The following TTN variants were observed in gnomAD, a reference collection of about 807,000 sequenced individuals.
TTN encodes the protein titin, also known as connectin.
Under a neutral mutation model 3,223.0 loss-of-function variants are expected in TTN, and 1,525 were observed. The observed-to-expected ratio is 0.47, with a 90% CI of 0.45 to 0.49. The LOEUF (loss-of-function observed/expected upper bound fraction) is 0.49. Among genes scored for constraint, TTN ranks in the 20% least tolerant of loss-of-function variants. The pLI is 0.00. For missense variants in TTN, 40,786 were observed against 43,424.0 expected (o/e 0.94, Z 5.40); for synonymous variants, 14,094 against 15,161.0 (o/e 0.93, Z 5.17).
rs765603620 is a variant in TTN at position 178,534,242 on chromosome 2, C to T, written c.102373G>A (p.Val34125Ile). Residue 34125 changes from valine to isoleucine, a missense_variant, in exon 358 of 363, where the codon GTT (valine) becomes ATT (isoleucine). Coordinates refer to ENST00000589042, the MANE Select transcript of TTN (RefSeq NM_001267550.2). ...ATGGATGCCACTTTAACTTTAGCAA[C>T]ACTCACTCCCTTCTGAGATCGAATT... ...GAIRSQKGVS[V>I]AKVKVASIEI... 2.5e-6 allele frequency: 4 copies of T among 1,613,982 alleles called. No individual in the cohort carries two copies. Among genetic ancestry groups the T allele is most frequent in the Admixed American group, 3.3e-5 (2 of 60,022 alleles).
chr2:178,797,428 T>A (rs2093826942), intron 6 of TTN, among the ~76,000 whole-genome samples: 1 of 151,878 alleles, frequency 6.6e-6, no homozygotes, highest in Admixed American at 6.7e-5. Flanking sequence ...TACTTTTTTG[T>A]ATCTTTTGTC....
intron 47 of TTN, chr2:178,748,404 C>T (rs1489632464): frequency 1.9e-6 from 3 of 1,613,202 alleles, no homozygotes; most frequent in Non-Finnish European, 8.5e-7. Flanking sequence ...TTATTTTGCA[C>T]ACTTTTAGAG....
Position 178,563,100 on chromosome 2 carries a change from C to T in TTN, c.83032G>A (p.Asp27678Asn), listed in dbSNP as rs781128731. 20 of 1,613,698 alleles carry T rather than the reference C, an allele frequency of 1.2e-5. No individual in the cohort carries two copies. The highest frequency in any genetic ancestry group is 8.3e-5 in the Admixed American group (5 of 59,986). Residue 27678 changes from aspartate (D) to asparagine (N), a missense_variant, in exon 326 of 363, where the codon GAT becomes AAT. Physicochemically the swap from Asp to Asn is conservative, Grantham distance 23. Coordinates refer to ENST00000589042, the MANE Select transcript of TTN (RefSeq NM_001267550.2). The surrounding 1 kb of genome is among the most constrained non-coding windows in gnomAD (Gnocchi z 4.5). ...ACGACCACCTTTCTGAGATCAGCAT[C>T]GAGTTCTATTTCTGGTGGCTCTATC... ...ERIEPPEIELDADLRKVVVLR... is the reference protein window; with the variant it reads ...ERIEPPEIELNADLRKVVVLR...
rs754247415 is a variant in TTN, at chr2:178,717,942, C to T, written c.25063+1G>A. On this transcript the variant is annotated splice_donor_variant, in intron 86 of 362. Coordinates refer to ENST00000589042, the MANE Select transcript of TTN (RefSeq NM_001267550.2). LOFTEE classifies it high-confidence loss of function. ...CACACTAGGTTAAACAACACCATCACCTTTGATAACAAGCACAGCTGAAGA... is the reference window on the plus strand; with the variant it reads ...CACACTAGGTTAAACAACACCATCATCTTTGATAACAAGCACAGCTGAAGA... The T allele has an allele frequency of 1.2e-6, 2 of 1,610,446 alleles. No homozygotes were observed. Among genetic ancestry groups the T allele is most frequent in the Non-Finnish European group, 1.7e-6 (2 of 1,177,142 alleles).
chr2:178,641,165 G>A (rs2061186611), intron 220 of TTN, 76 bp downstream of exon 220: 2 of 1,002,182 alleles, frequency 2.0e-6, no homozygotes, highest in Non-Finnish European at 2.9e-6. Flanking sequence ...CTTCATTTAT[G>A]TTTACAAGAT....
In TTN at chr2:178,723,124, T is replaced by C. The variant is rs752809738; in HGVS notation, c.21883A>G (p.Arg7295Gly). The change falls in exon 75 of 363, where the codon AGA becomes GGA. Residue 7295 changes from arginine (R) to glycine (G), a missense_variant. Coordinates refer to ENST00000589042, the MANE Select transcript of TTN (RefSeq NM_001267550.2). ...TCGCAGGAATACTGCCCTGCATCTC[T>C]TTTTGTGCTATTCAGAATTTCCAGG... ...CILEILNSTK[R>G]DAGQYSCEIE... 1 of 1,613,616 alleles carries C rather than the reference T, an allele frequency of 6.2e-7. No individual in the cohort carries two copies. Among genetic ancestry groups the C allele is most frequent in the South Asian group, 1.1e-5 (1 of 91,072 alleles).
At chr2:178,692,984 G>C (rs539637354) in intron 119 of TTN, among the ~76,000 whole-genome samples, 2 of 151,936 alleles carry the variant, frequency 1.3e-5, no homozygotes, top group Admixed American at 6.6e-5. Context: ...TGGGATGGAG[G>C]GGGTGGAGCC....
Position 178,584,784 on chromosome 2 carries a change from G to C in TTN, c.64857C>G (p.Cys21619Trp). 1 of 1,613,432 alleles carries C rather than the reference G, an allele frequency of 6.2e-7. No individual in the cohort carries two copies. The highest frequency in any genetic ancestry group is 1.1e-5 in the South Asian group (1 of 91,072). Residue 21619 changes from cysteine (C) to tryptophan (W), a missense_variant, in exon 310 of 363, where the codon TGC becomes TGG. By Grantham distance (215) the Cys-to-Trp change is radical (BLOSUM62 -2). Transcript: ENST00000589042. Reference sequence around the variant, plus strand: ...GGCCTGGGATCAGCTTTCCAACCCTGCAGGAAGTTTTTGTGACTGAAGCTA... The same window carrying C: ...GGCCTGGGATCAGCTTTCCAACCCTCCAGGAAGTTTTTGTGACTGAAGCTA... ...TALASVTKTSCRVGKLIPGQE... is the reference protein window; with the variant it reads ...TALASVTKTSWRVGKLIPGQE...
In TTN at chr2:178,759,190, A is replaced by C; in HGVS notation, c.10115-18T>G. On this transcript the variant is annotated intron_variant, in intron 43 of 362. Transcript: ENST00000589042. ...TTTTAGATCTGCGACACAAAAGAAA[A>C]GAGATACTTCAACCACAAAAATGAG... 1 of 1,613,770 alleles carries C rather than the reference A, an allele frequency of 6.2e-7. No individual in the cohort carries two copies. Among genetic ancestry groups the C allele is most frequent in the South Asian group, 1.1e-5 (1 of 91,062 alleles).
chr2:178,729,388 G>A lies in TTN; in HGVS notation c.18768C>T (p.Leu6256=). 3.1e-6 allele frequency: 5 copies of A among 1,613,616 alleles called. No individual in the cohort carries two copies. Among genetic ancestry groups the A allele is most frequent in the Non-Finnish European group, 4.2e-6 (5 of 1,179,656 alleles). ...TLTDRVSVFN[L]HITKCDPSDT... ...CTGAAGGGTCACACTTGGTTATATG[G>A]AGGTTAAACACAGACACTCTGTCGG... The change falls in exon 64 of 363, where the codon CTC becomes CTT. Residue 6256 remains leucine, a synonymous_variant. Coordinates refer to ENST00000589042, the MANE Select transcript of TTN (RefSeq NM_001267550.2).
chr2:178,702,283 T>C (rs755580819), intron 107 of TTN, 38 bp from the exon 108 acceptor site: 3 of 1,613,308 alleles, frequency 1.9e-6, no homozygotes, highest in Admixed American at 1.7e-5. Flanking sequence ...TTTTCTGATA[T>C]GTTGCAAATA....
intron 1 of TTN, among the ~76,000 whole-genome samples, chr2:178,806,672 T>C (rs2094334302): frequency 6.6e-6 from 1 of 152,210 alleles, no homozygotes; most frequent in African/African-American, 2.4e-5. Context: ...GGGCTGAAGG[T>C]ATGCGTCTAA....
In TTN at chr2:178,534,268, G is replaced by A. The variant is rs1690458726; in HGVS notation, c.102347C>T (p.Ala34116Val). Reference sequence around the variant, plus strand: ...ACTCACTCCCTTCTGAGATCGAATTGCACCACCACAGGAGATCCGGGCTGC... The same window carrying A: ...ACTCACTCCCTTCTGAGATCGAATTACACCACCACAGGAGATCCGGGCTGC... ...VSAARISCGGAIRSQKGVSVA... is the reference protein window; with the variant it reads ...VSAARISCGGVIRSQKGVSVA... Residue 34116 changes from alanine (A) to valine (V), a missense_variant, in exon 358 of 363, where the codon GCA becomes GTA. Physicochemically the swap from Ala to Val is moderately conservative, Grantham distance 64. Coordinates refer to ENST00000589042, the MANE Select transcript of TTN (RefSeq NM_001267550.2). The A allele has an allele frequency of 6.2e-7, 1 of 1,613,784 alleles. No homozygotes were observed. Among genetic ancestry groups the A allele is most frequent in the African/African-American group, 1.3e-5 (1 of 74,902 alleles).
chr2:178,804,736 G>T, intron 1 of TTN, 81 bp from the exon 2 acceptor site: 2 of 1,286,700 alleles, frequency 1.6e-6, no homozygotes, highest in Non-Finnish European at 2.2e-6. Flanking sequence ...AGAGACACAC[G>T]TTTCTCCAAA....
At chr2:178,733,179 C>CT in intron 54 of TTN, 58 bp from the exon 55 acceptor site, 1 of 1,557,200 alleles carries the variant, frequency 6.4e-7, no homozygotes, top group Non-Finnish European at 8.7e-7. Flanking sequence ...CAGTGATTGA[C>CT]TTTAGGCCAT....
In TTN at chr2:178,632,971, T is replaced by G; in HGVS notation, c.43160A>C (p.Glu14387Ala). The G allele has an allele frequency of 6.2e-7, 1 of 1,613,226 alleles. No individual in the cohort carries two copies. The highest frequency in any genetic ancestry group is 8.5e-7 in the Non-Finnish European group (1 of 1,179,428). The change falls in exon 234 of 363, where the codon GAG (glutamate) becomes GCG (alanine). Residue 14387 changes from glutamate (E) to alanine (A), a missense_variant. Physicochemically the swap from Glu to Ala is moderately radical, Grantham distance 107. Coordinates refer to ENST00000589042, the MANE Select transcript of TTN (RefSeq NM_001267550.2). Reference sequence around the variant, plus strand: ...GGCATTAGCAGCCTGGAAGGAAACCTCTCCTGTCATACCCAGCTGACAGTT... The same window carrying G: ...GGCATTAGCAGCCTGGAAGGAAACCGCTCCTGTCATACCCAGCTGACAGTT... ...LHNCQLGMTG[E>A]VSFQAANAKS... is the part of the protein sequence containing the mutation.
chr2:178,699,602 G>A (rs1222121817), intron 111 of TTN, among the ~76,000 whole-genome samples: 1 of 144,764 alleles, frequency 6.9e-6, no homozygotes, highest in East Asian at 2.0e-4. Flanking sequence ...TAGTAGAGAC[G>A]GGGTTTCACC....
chr2:178,579,058 C>T lies in TTN; in HGVS notation c.67972G>A (p.Ala22658Thr). The change falls in exon 320 of 363, where the codon GCA becomes ACA. Residue 22658 changes from alanine (A) to threonine (T), a missense_variant. Transcript: ENST00000589042. ...TGPIKFDEVT[A>T]EAMTLKWAPP... The stretch of plus-strand genomic sequence containing the variant: ...GCCCACTTTAAGGTCATGGCTTCTG[C>T]TGTGACTTCATCAAATTTGATTGGT... 1 of 1,613,276 alleles carries T rather than the reference C, an allele frequency of 6.2e-7. No individual in the cohort carries two copies. The highest frequency in any genetic ancestry group is 1.1e-5 in the South Asian group (1 of 91,070).
At chr2:178,782,664 AC>A in intron 18 of TTN, 62 bp from the exon 19 acceptor site, 1 of 1,607,020 alleles carries the variant, frequency 6.2e-7, no homozygotes. Context: ...CTTAGCACTG[AC>A]AGTTAAATTG....
Sources: gnomAD v4.1 joint callset for allele counts (sites outside exome capture counted in the v4.1 genomes callset) on GRCh38, gnomAD v4.1.1 for gene constraint, Gnocchi (gnomAD v3.1) non-coding constraint, MANE v1.5 for transcripts, NCBI Gene and HGNC (gene_info 2026-07-23, HGNC 2026-07-21) for gene names.